The following DNAAF9 variants were observed in gnomAD, a reference collection of about 807,000 sequenced individuals.
DNAAF9 encodes the protein shulin.
Under a neutral mutation model 167.0 loss-of-function variants are expected in DNAAF9, and 90 were observed. That is an observed-to-expected ratio of 0.54 (90% confidence interval 0.45 to 0.64). The LOEUF (loss-of-function observed/expected upper bound fraction) is 0.64. Among genes scored for constraint, DNAAF9 ranks in the 30% least tolerant of loss-of-function variants. The pLI, the probability that DNAAF9 is intolerant of heterozygous loss-of-function variation, is 0.00. For missense variants in DNAAF9, 1,315 were observed against 1,442.2 expected (o/e 0.91, Z 1.43); for synonymous variants, 491 against 508.8 (o/e 0.96, Z 0.47).
At chr20:3,365,393 A>G (rs1166257711) in intron 6 of DNAAF9, among the ~76,000 whole-genome samples, 3 of 151,380 alleles carry the variant, frequency 2.0e-5, no homozygotes, top group Non-Finnish European at 4.4e-5. Context: ...TTATTTATTT[A>G]TTTATTTATT....
rs565491538 is a variant in DNAAF9 at position 3,268,189 on chromosome 20, T to C, written c.2786+2238A>G. Among the ~76,000 whole-genome samples the C allele has an allele frequency of 4.2e-4, 63 of 151,456 alleles. 1 individual carries two copies. Among genetic ancestry groups the C allele is most frequent in the African/African-American group, 1.4e-3 (57 of 41,270 alleles). On this transcript the variant is annotated intron_variant, in intron 30 of 36. Transcript: ENST00000252032. ...GATTACAGGTGCCTGGCACCACGCCTGGCCAATTTTTTGTATTTTTAGTAG... is the reference window on the plus strand; with the variant it reads ...GATTACAGGTGCCTGGCACCACGCCCGGCCAATTTTTTGTATTTTTAGTAG...
chr20:3,344,265 C>G (rs967494836), intron 8 of DNAAF9, among the ~76,000 whole-genome samples: 1 of 152,146 alleles, frequency 6.6e-6, no homozygotes, highest in African/African-American at 2.4e-5. Context: ...CTTTTGGATG[C>G]ATAGTGTGAG....
At chr20:3,293,986 G>A (rs1485943968) in intron 25 of DNAAF9, among the ~76,000 whole-genome samples, 153 bp downstream of exon 25, 1 of 139,730 alleles carries the variant, frequency 7.2e-6, no homozygotes, top group African/African-American at 2.9e-5. Context: ...CAGGTTACAT[G>A]TTATCATTAC....
chr20:3,364,231 G>A, intron 6 of DNAAF9, among the ~76,000 whole-genome samples: 1 of 152,024 alleles, frequency 6.6e-6, no homozygotes, highest in East Asian at 1.9e-4. Flanking sequence ...GGCCAATTTT[G>A]AAGACTGATT....
chr20:3,336,252 GTTT>G (rs1178750984), intron 10 of DNAAF9, among the ~76,000 whole-genome samples: 2 of 81,444 alleles, frequency 2.5e-5, no homozygotes, highest in Non-Finnish European at 4.9e-5. Flanking sequence ...ACAGTTTTGC[GTTT>G]TTGTTTTTTT....
intron 6 of DNAAF9, among the ~76,000 whole-genome samples, chr20:3,363,169 C>T (rs1173209846): frequency 6.1e-5 from 9 of 148,268 alleles, no homozygotes; most frequent in East Asian, 3.9e-4. Flanking sequence ...GCGGAGGTTA[C>T]GGTGAGCCAA....
At chr20:3,353,904 A>G (rs1333090112) in intron 7 of DNAAF9, among the ~76,000 whole-genome samples, 3 of 152,258 alleles carry the variant, frequency 2.0e-5, no homozygotes, top group Admixed American at 1.3e-4. Flanking sequence ...AGGGAGGTGG[A>G]TATGTCAGTA....
intron 8 of DNAAF9, among the ~76,000 whole-genome samples, chr20:3,344,880 ATTGT>A (rs1255572210): frequency 6.6e-6 from 1 of 152,066 alleles, no homozygotes; most frequent in Non-Finnish European, 1.5e-5. Context: ...ATGGGACCTC[ATTGT>A]TTGTTGTCTT....
At chr20:3,358,923 G>A (rs1287396364) in intron 7 of DNAAF9, among the ~76,000 whole-genome samples, 3 of 152,034 alleles carry the variant, frequency 2.0e-5, no homozygotes, top group Admixed American at 6.6e-5. Flanking sequence ...GTTGCCGCTC[G>A]TTGCAAATTT....
At chr20:3,405,368 C>G (rs1450480191) in intron 1 of DNAAF9, among the ~76,000 whole-genome samples, 2 of 152,162 alleles carry the variant, frequency 1.3e-5, no homozygotes, top group East Asian at 3.8e-4. Context: ...CATCACTCAG[C>G]AGTCAGCAGC....
At chr20:3,318,652 G>A (rs6037548) in intron 16 of DNAAF9, among the ~76,000 whole-genome samples, 38,028 of 152,008 alleles carry the variant, frequency 0.25, 5,349 homozygotes, top group African/African-American at 0.37. Flanking sequence ...TTATGTTTCC[G>A]TATATTCCCT....
intron 33 of DNAAF9, 30 bp from the exon 34 acceptor site, chr20:3,256,241 G>A (rs1357989247): frequency 1.2e-5 from 18 of 1,504,878 alleles, no homozygotes; most frequent in Non-Finnish European, 1.7e-5. Flanking sequence ...TAGTCCCTGA[G>A]AGCCTGCCTT....
intron 20 of DNAAF9, among the ~76,000 whole-genome samples, chr20:3,308,276 G>A (rs751775685): frequency 2.9e-4 from 44 of 151,286 alleles, no homozygotes; most frequent in Non-Finnish European, 5.0e-4. Flanking sequence ...TCCTGAATGT[G>A]ACCTATGTTA....
chr20:3,332,900 G>GGTGTGTGTGTGTGTGTGT (rs3082550), intron 10 of DNAAF9, among the ~76,000 whole-genome samples: 25 of 146,840 alleles, frequency 1.7e-4, no homozygotes, highest in Admixed American at 6.8e-4. Flanking sequence ...GTGTGCGTGT[G>GGTGTGTGTGTGTGTGTGT]GTGTGTGTGT....
At chr20:3,350,187 A>ACACACACACC (rs2070293118) in intron 7 of DNAAF9, among the ~76,000 whole-genome samples, 1 of 150,164 alleles carries the variant, frequency 6.7e-6, no homozygotes, top group Admixed American at 6.6e-5. Flanking sequence ...ACACACACAC[A>ACACACACACC]CACAAATTCT....
At chr20:3,296,277 G>C (rs1376890370) in intron 23 of DNAAF9, 1 of 408,254 alleles carries the variant, frequency 2.4e-6, no homozygotes, top group Non-Finnish European at 4.8e-6. Context: ...CGCCCCCCAA[G>C]ACAGGTGAGA....
intron 20 of DNAAF9, among the ~76,000 whole-genome samples, chr20:3,311,649 C>T (rs2069415309): frequency 6.6e-6 from 1 of 152,164 alleles, no homozygotes; most frequent in Admixed American, 6.5e-5. Flanking sequence ...AGCTATATGG[C>T]TTACATACAA....
intron 6 of DNAAF9, among the ~76,000 whole-genome samples, chr20:3,371,397 G>A (rs1384660399): frequency 1.5e-5 from 2 of 135,500 alleles, no homozygotes. Context: ...AGGCTGGAGT[G>A]CAGTGGCGCT....
intron 20 of DNAAF9, among the ~76,000 whole-genome samples, chr20:3,310,153 T>C (rs2069375661): frequency 6.7e-6 from 1 of 150,086 alleles, no homozygotes; most frequent in East Asian, 2.0e-4. Context: ...GATCGTGCCA[T>C]TGCACTCTAG....
Sources: allele counts gnomAD v4.1 joint callset (sites outside exome capture counted in the v4.1 genomes callset), GRCh38; gene constraint gnomAD v4.1.1; transcripts MANE v1.5; gene names NCBI Gene and HGNC (gene_info 2026-07-23, HGNC 2026-07-21).